KDM2A: variants seen among roughly 807,000 people sequenced by gnomAD.
KDM2A encodes lysine demethylase 2A, also known as lysine-specific demethylase 2A.
A neutral mutation model predicts 137.3 loss-of-function variants in KDM2A; 3 were observed. That is an observed-to-expected ratio of 0.02 (90% CI 0.01 to 0.06). KDM2A has a LOEUF of 0.06. Among genes scored for constraint, KDM2A ranks in the 10% least tolerant of loss-of-function variants. The pLI, the probability that KDM2A is intolerant of heterozygous loss-of-function variation, is 1.00. For missense variants in KDM2A, 738 were observed against 1,510.6 expected (o/e 0.49, Z 8.48); for synonymous variants, 512 against 541.5 (o/e 0.95, Z 0.76).
rs1349998460 is a variant in KDM2A, at chr11:67,125,097, G to A, written c.42+3739G>A. Among the ~76,000 whole-genome samples the A allele has an allele frequency of 6.6e-5, 10 of 151,826 alleles. No homozygotes were observed. The South Asian group carries it at 1.9e-3, about 29-fold the overall frequency. On this transcript the variant is annotated intron_variant, in intron 2 of 20. Coordinates refer to ENST00000529006, the MANE Select transcript of KDM2A (RefSeq NM_012308.3). ...AGGATGGTCTCGATCTGCTGACCTC[G>A]TGATCCGCCTGCCTCGGCCTCCCAA...
At position 67,215,465 on chromosome 11, in the gene KDM2A, A is replaced by G. The variant is rs1459353517; in HGVS notation, c.593+19A>G. ...TGCAGAAGTAAGTGATGCGCCCTGC[A>G]TCTTCCTCCGTGTGCTGTGGGAGAC... is the stretch of plus-strand genomic sequence containing the variant. On this transcript the variant is annotated intron_variant, in intron 7 of 20. Transcript: ENST00000529006. The G allele has an allele frequency of 7.9e-6, 12 of 1,523,000 alleles. 1 individual carries two copies. In the Admixed American group the frequency reaches 1.7e-4, roughly 21 times the overall value. 94.3% of individuals were successfully genotyped at this position (1,523,000 alleles called of 1,614,324 possible).
intron 2 of KDM2A, among the ~76,000 whole-genome samples, chr11:67,123,312 G>T: frequency 8.3e-6 from 1 of 119,946 alleles, no homozygotes; most frequent in Non-Finnish European, 1.6e-5. Context: ...GTGACTGCTA[G>T]AAAGGTTTGG....
intron 9 of KDM2A, among the ~76,000 whole-genome samples, chr11:67,218,451 A>C (rs1858235492): frequency 6.6e-6 from 1 of 152,232 alleles, no homozygotes; most frequent in Non-Finnish European, 1.5e-5. Flanking sequence ...AAGCTTATCC[A>C]ACCTGCAGGC....
intron 13 of KDM2A, chr11:67,244,935 G>C (rs181439619): frequency 2.5e-6 from 1 of 400,756 alleles, no homozygotes; most frequent in Non-Finnish European, 4.5e-6. Context: ...GCAGTGAGCC[G>C]AGATCATGCC....
chr11:67,171,875 T>C (rs1856888753), intron 2 of KDM2A, among the ~76,000 whole-genome samples: 1 of 152,276 alleles, frequency 6.6e-6, no homozygotes, highest in Non-Finnish European at 1.5e-5. Flanking sequence ...GCCTGCATTC[T>C]CCTTTCTGTT....
At chr11:67,145,672 C>G (rs998645414) in intron 2 of KDM2A, among the ~76,000 whole-genome samples, 2 of 151,858 alleles carry the variant, frequency 1.3e-5, no homozygotes, top group Non-Finnish European at 2.9e-5. Context: ...GAATTTCTTT[C>G]CATTATACCA....
At position 67,245,603 on chromosome 11, in the gene KDM2A, T is replaced by C. The variant is rs1859180929; in HGVS notation, c.1833+145T>C. ...TTTTGGCTTTATTTTGTACCTTTTT[T>C]CCCCAGGTTTAGATAGAAGGTATCT... On this transcript the variant is annotated intron_variant, in intron 14 of 20. Transcript: ENST00000529006. The surrounding 1 kb of genome is among the most constrained non-coding windows in gnomAD (Gnocchi z 4.1). 1.1e-5 allele frequency: 10 copies of C among 892,122 alleles called. No homozygotes were observed. The highest frequency in any genetic ancestry group is 8.7e-5 in the Admixed American group (3 of 34,578). The allele number at this position is 892,122 out of a possible 1,614,324, so 55.3% of individuals were successfully genotyped here.
At position 67,217,717 on chromosome 11, in the gene KDM2A, T is replaced by C; in HGVS notation, c.688-14T>C. The C allele has an allele frequency of 1.2e-6, 2 of 1,613,006 alleles. No homozygotes were observed. Among genetic ancestry groups the C allele is most frequent in the Non-Finnish European group, 1.7e-6 (2 of 1,179,492 alleles). ...TCAATGGCTGTTAACAGACTAAAGT[T>C]TTTTAACTCACAGGTCTTCTGGCTC... On this transcript the variant is annotated splice_polypyrimidine_tract_variant and intron_variant, in intron 8 of 20. Coordinates refer to ENST00000529006, the MANE Select transcript of KDM2A (RefSeq NM_012308.3).
intron 5 of KDM2A, among the ~76,000 whole-genome samples, chr11:67,182,619 G>A (rs1234550253): frequency 1.4e-5 from 2 of 141,922 alleles, no homozygotes; most frequent in Non-Finnish European, 3.0e-5. Flanking sequence ...TGCAACCTCC[G>A]CCTGCTGCAT....
intron 2 of KDM2A, among the ~76,000 whole-genome samples, chr11:67,169,978 G>A (rs1362960823): frequency 4.0e-5 from 6 of 151,798 alleles, no homozygotes; most frequent in African/African-American, 7.3e-5. Flanking sequence ...GGCTGGTCTC[G>A]AACTCCTGAC....
At chr11:67,141,783 A>G (rs1055552191) in intron 2 of KDM2A, among the ~76,000 whole-genome samples, 5 of 150,242 alleles carry the variant, frequency 3.3e-5, no homozygotes, top group Non-Finnish European at 7.4e-5. Flanking sequence ...CTGTATGTTC[A>G]TGCCCATTAA....
chr11:67,243,354 C>T (rs921222252), intron 13 of KDM2A, among the ~76,000 whole-genome samples: 8 of 152,184 alleles, frequency 5.3e-5, no homozygotes, highest in Non-Finnish European at 1.0e-4. Context: ...TTTGTGCATC[C>T]GCTTCTATCC....
chr11:67,190,235 C>T (rs1388385784), intron 5 of KDM2A, among the ~76,000 whole-genome samples: 1 of 152,124 alleles, frequency 6.6e-6, no homozygotes, highest in Admixed American at 6.5e-5. Flanking sequence ...TGTGATGAAA[C>T]CCTGTCTCTA....
At chr11:67,131,022 T>C (rs1446273423) in intron 2 of KDM2A, among the ~76,000 whole-genome samples, 2 of 152,146 alleles carry the variant, frequency 1.3e-5, no homozygotes, top group African/African-American at 4.8e-5. Context: ...ACGTCTCTTG[T>C]GTACTTTATA....
At chr11:67,164,165 A>G (rs1215922847) in intron 2 of KDM2A, among the ~76,000 whole-genome samples, 1 of 152,198 alleles carries the variant, frequency 6.6e-6, no homozygotes, top group Admixed American at 6.6e-5. Context: ...ACATGAGAAA[A>G]TGGAAGCTTA....
intron 2 of KDM2A, among the ~76,000 whole-genome samples, chr11:67,143,524 A>G (rs1170999065): frequency 6.6e-6 from 1 of 152,102 alleles, no homozygotes; most frequent in African/African-American, 2.4e-5. Flanking sequence ...AATTGCCACC[A>G]CTTCAAAAGC....
At chr11:67,173,788 T>C (rs1856924205) in intron 2 of KDM2A, among the ~76,000 whole-genome samples, 1 of 152,174 alleles carries the variant, frequency 6.6e-6, no homozygotes, top group Non-Finnish European at 1.5e-5. Flanking sequence ...TCATAACTCA[T>C]GGCAGCCTCA....
rs1413286744 is a variant in KDM2A, at chr11:67,256,422, C to A, written c.*1367C>A. 1 of 152,462 alleles carries A rather than the reference C, an allele frequency of 6.6e-6. No homozygotes were observed. The highest frequency in any genetic ancestry group is 3.2e-3 in the Middle Eastern group (1 of 314). The allele number at this position is 152,462 out of a possible 1,614,324, so 9.4% of individuals were successfully genotyped here. ...ATATTTTTAAGTGTGTGAGGAGATG[C>A]TCAGTAGCAGCAGCCTATGGCAAGA... On this transcript the variant is annotated 3_prime_UTR_variant, in exon 21 of 21. Coordinates refer to ENST00000529006, the MANE Select transcript of KDM2A (RefSeq NM_012308.3).
At chr11:67,203,458 T>TA (rs1186176841) in intron 5 of KDM2A, among the ~76,000 whole-genome samples, 1 of 4,256 alleles carries the variant, frequency 2.3e-4, no homozygotes, top group Non-Finnish European at 7.7e-4. Flanking sequence ...TAATTATATT[T>TA]ATTAATTATT....
Sources: gnomAD v4.1 joint callset for allele counts (sites outside exome capture counted in the v4.1 genomes callset) on GRCh38, gnomAD v4.1.1 for gene constraint, Gnocchi (gnomAD v3.1) non-coding constraint, MANE v1.5 for transcripts, NCBI Gene and HGNC (gene_info 2026-07-23, HGNC 2026-07-21) for gene names.